Variants in RANBP17 observed in about 807,000 individuals in gnomAD.
RANBP17 encodes the protein RAN binding protein 17, also known as ran-binding protein 17.
A neutral mutation model predicts 141.2 loss-of-function variants in RANBP17; 158 were observed. The ratio of observed to expected loss-of-function variants is 1.12; its 90% CI spans 0.98 to 1.28. RANBP17 has a LOEUF of 1.28. Among genes scored for constraint, RANBP17 ranks in the 50% most tolerant of loss-of-function variants. The probability of loss-of-function intolerance (pLI) is 0.00; values close to 1 mark genes in which losing one functional copy is unlikely to be tolerated. For synonymous variants in RANBP17, 430 were observed against 450.0 expected (o/e 0.96, Z 0.56); for missense variants, 1,438 against 1,290.7 (o/e 1.11, Z -1.75).
chr5:170,955,858 GCTC>G (rs1190005651), intron 13 of RANBP17, among the ~76,000 whole-genome samples: 3 of 145,354 alleles, frequency 2.1e-5, no homozygotes, highest in Non-Finnish European at 4.5e-5. Flanking sequence ...TTAATATTTT[GCTC>G]CTCATTTTGA....
At chr5:170,868,844 G>T (rs544333239) in intron 1 of RANBP17, among the ~76,000 whole-genome samples, 6 of 152,136 alleles carry the variant, frequency 3.9e-5, no homozygotes, top group Non-Finnish European at 8.8e-5. Flanking sequence ...AGAAAATGAA[G>T]TGCTAAACAG....
chr5:170,948,660 A>G (rs1046368508), intron 12 of RANBP17, among the ~76,000 whole-genome samples: 6 of 152,212 alleles, frequency 3.9e-5, no homozygotes, highest in African/African-American at 1.4e-4. Flanking sequence ...ATCCGGTGCA[A>G]TCCACTTTAA....
intron 22 of RANBP17, among the ~76,000 whole-genome samples, chr5:171,231,100 C>CTTTT (rs367751794): frequency 2.5e-5 from 3 of 120,050 alleles, no homozygotes; most frequent in Non-Finnish European, 3.5e-5. Context: ...CCATGCCTGG[C>CTTTT]TTTTTTTTTT....
chr5:171,130,361 C>G (rs1213058632), intron 14 of RANBP17, among the ~76,000 whole-genome samples: 1 of 151,112 alleles, frequency 6.6e-6, no homozygotes, highest in African/African-American at 2.4e-5. Flanking sequence ...TTTAGCTTTT[C>G]TCCCTGAATA....
In RANBP17 at chr5:171,023,199, G is replaced by A. The variant is rs544163340; in HGVS notation, c.1710+54822G>A. On this transcript the variant is annotated intron_variant, in intron 14 of 27. Transcript: ENST00000523189. ...TTTTTAATGGGACCCTCTGAACGCCGCTGTTCTGTTTCTAGTCGGCCATCT... is the reference window on the plus strand; with the variant it reads ...TTTTTAATGGGACCCTCTGAACGCCACTGTTCTGTTTCTAGTCGGCCATCT... Among the ~76,000 whole-genome samples the A allele has an allele frequency of 1.6e-4, 25 of 152,302 alleles. No individual in the cohort carries two copies. In the East Asian group the frequency reaches 3.7e-3, roughly 22 times the overall value.
chr5:171,106,208 G>A (rs768639973), intron 14 of RANBP17, among the ~76,000 whole-genome samples: 1 of 152,224 alleles, frequency 6.6e-6, no homozygotes, highest in Non-Finnish European at 1.5e-5. Flanking sequence ...CAAGGTTACA[G>A]CAGCCCTTAA....
intron 7 of RANBP17, chr5:170,911,476 A>G: frequency 1.5e-6 from 1 of 686,370 alleles, no homozygotes; most frequent in Non-Finnish European, 2.7e-6. Flanking sequence ...GATCATTTTC[A>G]GGTGCTGGTC....
intron 14 of RANBP17, among the ~76,000 whole-genome samples, chr5:171,016,856 G>C (rs1256261361): frequency 6.6e-6 from 1 of 151,888 alleles, no homozygotes. Flanking sequence ...ATGTGCCATG[G>C]TGGTTTGCTG....
Position 171,071,686 on chromosome 5 carries a change from C to T in RANBP17, c.1711-98444C>T, listed in dbSNP as rs991549935. On this transcript the variant is annotated intron_variant, in intron 14 of 27. Coordinates refer to ENST00000523189, the MANE Select transcript of RANBP17 (RefSeq NM_022897.5). ...AAAAAAAAAAAAAAGACCCTCAATA[C>T]GTCAACATGTACCACACAACTTGTA... 3.9e-5 allele frequency among the ~76,000 whole-genome samples: 5 copies of T among 127,240 alleles called. No individual in the cohort carries two copies. The East Asian group carries it at 9.8e-4, about 25-fold the overall frequency. The allele number at this position is 127,240 out of a possible 152,430, so 83.5% of individuals were successfully genotyped here.
intron 22 of RANBP17, among the ~76,000 whole-genome samples, chr5:171,235,411 T>C (rs1764480534): frequency 6.6e-6 from 1 of 151,066 alleles, no homozygotes; most frequent in Non-Finnish European, 1.5e-5. Flanking sequence ...ACAAACAAGA[T>C]TGCATATAGA....
At chr5:171,131,170 A>G (rs189841183) in intron 14 of RANBP17, among the ~76,000 whole-genome samples, 27 of 152,298 alleles carry the variant, frequency 1.8e-4, no homozygotes, top group Non-Finnish European at 3.2e-4. Context: ...AGGCTGTTAT[A>G]AGGATTAGAG....
chr5:170,969,527 A>C (rs1313505876), intron 14 of RANBP17, among the ~76,000 whole-genome samples: 2 of 151,978 alleles, frequency 1.3e-5, no homozygotes, highest in African/African-American at 4.8e-5. Flanking sequence ...TTTCTTGTTT[A>C]ATATGTCCAG....
rs767089365 is a variant in RANBP17 at position 171,205,480 on chromosome 5, C to T, written c.2143-44C>T. ...CCTGATTATTACTCCATCTGCTCTG[C>T]GCTAACGTGAAAATCAATTACTGTG... On this transcript the variant is annotated intron_variant, in intron 19 of 27. Coordinates refer to ENST00000523189, the MANE Select transcript of RANBP17 (RefSeq NM_022897.5). The T allele has an allele frequency of 3.3e-5, 49 of 1,496,982 alleles. No individual in the cohort carries two copies. The Admixed American group carries it at 3.4e-4, about 10-fold the overall frequency. 92.7% of individuals were successfully genotyped at this position (1,496,982 alleles called of 1,614,324 possible). A position where few individuals can be genotyped will look rare whatever the true frequency, so the allele number is the denominator to read the frequency against.
chr5:171,089,604 CAG>C (rs1197731491), intron 14 of RANBP17, among the ~76,000 whole-genome samples: 1 of 152,120 alleles, frequency 6.6e-6, no homozygotes, highest in Non-Finnish European at 1.5e-5. Context: ...TGCTAGCAAT[CAG>C]TGAGATTCCG....
intron 13 of RANBP17, 147 bp from the exon 14 acceptor site, chr5:170,968,095 T>A: frequency 1.8e-6 from 1 of 568,274 alleles, no homozygotes; most frequent in Non-Finnish European, 2.8e-6. Flanking sequence ...GGATTTCAGA[T>A]GATTCAAAAA....
intron 14 of RANBP17, among the ~76,000 whole-genome samples, chr5:170,994,518 T>C (rs1050143444): frequency 2.6e-5 from 4 of 152,106 alleles, no homozygotes; most frequent in Non-Finnish European, 5.9e-5. Context: ...TTGTGTCTTA[T>C]GATTCTGAGT....
chr5:171,098,488 A>C (rs1400790212), intron 14 of RANBP17, among the ~76,000 whole-genome samples: 1 of 151,686 alleles, frequency 6.6e-6, no homozygotes, highest in Non-Finnish European at 1.5e-5. Context: ...AGCGTTGTTC[A>C]TTTTTTTCTT....
intron 14 of RANBP17, among the ~76,000 whole-genome samples, chr5:170,983,433 AG>A (rs1777909716): frequency 6.6e-6 from 1 of 152,226 alleles, no homozygotes; most frequent in Non-Finnish European, 1.5e-5. Flanking sequence ...TGTGCACAAA[AG>A]GGAATTGAAT....
intron 13 of RANBP17, among the ~76,000 whole-genome samples, chr5:170,954,540 A>ACG (rs1433317565): frequency 1.3e-5 from 2 of 149,872 alleles, no homozygotes; most frequent in East Asian, 3.9e-4. Context: ...ACACACACAC[A>ACG]CACACCCCAA....
Sources: allele counts gnomAD v4.1 joint callset (sites outside exome capture counted in the v4.1 genomes callset), GRCh38; gene constraint gnomAD v4.1.1; transcripts MANE v1.5; gene names NCBI Gene and HGNC (gene_info 2026-07-23, HGNC 2026-07-21).